TENM4: variants seen among roughly 807,000 people sequenced by gnomAD.
TENM4 encodes the protein teneurin-4.
TENM4 carries 82 observed loss-of-function variants against 243.3 expected under a neutral mutation model. The ratio of observed to expected loss-of-function variants is 0.34; its 90% CI spans 0.28 to 0.40. The LOEUF is 0.40. TENM4 is among the 10% of genes least tolerant of loss of function. The pLI is 1.00. For missense variants in TENM4, 3,138 were observed against 3,673.3 expected, an observed-to-expected ratio of 0.85 and a Z score of 3.77; for synonymous variants, 1,412 against 1,456.3, an observed-to-expected ratio of 0.97 and a Z score of 0.69.
chr11:78,685,442 G>A (rs1453647803), intron 29 of TENM4, among the ~76,000 whole-genome samples: 1 of 152,104 alleles, frequency 6.6e-6, no homozygotes, highest in African/African-American at 2.4e-5. Flanking sequence ...CTACCAAAGA[G>A]GAAAAACAGG....
intron 6 of TENM4, among the ~76,000 whole-genome samples, chr11:78,904,423 C>T (rs1856017937): frequency 6.7e-6 from 1 of 148,292 alleles, no homozygotes; most frequent in Admixed American, 6.7e-5. Flanking sequence ...AGAGCACATA[C>T]AGCCAGGAAG....
intron 3 of TENM4, among the ~76,000 whole-genome samples, chr11:79,195,281 GA>G (rs1863600303): frequency 6.6e-6 from 1 of 152,218 alleles, no homozygotes. Context: ...AGCCCCCATA[GA>G]GAGTCCCTAC....
intron 6 of TENM4, among the ~76,000 whole-genome samples, chr11:79,010,699 A>G (rs1280383889): frequency 6.6e-6 from 1 of 152,096 alleles, no homozygotes; most frequent in Non-Finnish European, 1.5e-5. Context: ...ACAGCAGGAG[A>G]AAGACCTGCC....
chr11:79,215,518 C>A (rs1419512832), intron 3 of TENM4, among the ~76,000 whole-genome samples: 2 of 143,496 alleles, frequency 1.4e-5, no homozygotes, highest in East Asian at 1.9e-4. Context: ...GCTGCCAGCA[C>A]CCCCATCACA....
chr11:78,980,139 T>G (rs925079530), intron 6 of TENM4, among the ~76,000 whole-genome samples: 1 of 152,236 alleles, frequency 6.6e-6, no homozygotes, highest in African/African-American at 2.4e-5. Flanking sequence ...AGTCCTTTGC[T>G]GTCAGAAGAA....
intron 6 of TENM4, among the ~76,000 whole-genome samples, chr11:79,036,335 TTTGA>T (rs1859376581): frequency 6.6e-6 from 1 of 152,236 alleles, no homozygotes; most frequent in Admixed American, 6.5e-5. Context: ...ACCAGCTATC[TTTGA>T]TTGGCCAGAC....
intron 17 of TENM4, 77 bp downstream of exon 17, chr11:78,778,525 T>C (rs1856781879): frequency 2.1e-6 from 3 of 1,452,022 alleles, no homozygotes; most frequent in Non-Finnish European, 1.9e-6. Flanking sequence ...CATTTTTATA[T>C]ACACATTTCT....
In TENM4 at chr11:78,653,832, T is replaced by C. The variant is rs1857828425; in HGVS notation, c.*4226A>G. 1.3e-5 allele frequency: 2 copies of C among 152,264 alleles called. No homozygotes were observed. The highest frequency in any genetic ancestry group is 2.9e-5 in the Non-Finnish European group (2 of 68,064). The allele number at this position is 152,264 out of a possible 1,614,324, so 9.4% of individuals were successfully genotyped here. Reference sequence around the variant, plus strand: ...CACAACATTGGCCCTCGCCTGGGCCTTCCCACACTCTGATATTCCACATTC... The same window carrying C: ...CACAACATTGGCCCTCGCCTGGGCCCTCCCACACTCTGATATTCCACATTC... On this transcript the variant is annotated 3_prime_UTR_variant, in exon 34 of 34. Coordinates refer to ENST00000278550, the MANE Select transcript of TENM4 (RefSeq NM_001098816.3).
At chr11:79,336,403 GA>G (rs1857148695) in intron 1 of TENM4, among the ~76,000 whole-genome samples, 1 of 152,186 alleles carries the variant, frequency 6.6e-6, no homozygotes, top group South Asian at 2.1e-4. Flanking sequence ...AGAGGAAAAA[GA>G]GTATTAAATG....
chr11:79,103,749 G>A (rs554401089), intron 4 of TENM4, among the ~76,000 whole-genome samples: 82 of 152,282 alleles, frequency 5.4e-4, no homozygotes, highest in Middle Eastern at 3.4e-3. Flanking sequence ...CTGTGAGCTG[G>A]CCTCTTGGGA....
chr11:79,126,096 T>A (rs956306919), intron 4 of TENM4, among the ~76,000 whole-genome samples: 8 of 152,310 alleles, frequency 5.3e-5, no homozygotes, highest in East Asian at 1.9e-4. Context: ...TAAAAAAGGT[T>A]CTAATAGTTT....
At chr11:79,005,296 G>C (rs1380684489) in intron 6 of TENM4, among the ~76,000 whole-genome samples, 1 of 151,956 alleles carries the variant, frequency 6.6e-6, no homozygotes, top group Non-Finnish European at 1.5e-5. Flanking sequence ...AAACCTGGCA[G>C]AGAAAAAGAG....
At chr11:79,108,536 G>A (rs967084543) in intron 4 of TENM4, among the ~76,000 whole-genome samples, 1 of 151,948 alleles carries the variant, frequency 6.6e-6, no homozygotes, top group Non-Finnish European at 1.5e-5. Context: ...ACATATATAT[G>A]TAGGTATACA....
chr11:79,278,536 T>C (rs996727558), intron 2 of TENM4, among the ~76,000 whole-genome samples: 7 of 152,196 alleles, frequency 4.6e-5, no homozygotes, highest in Non-Finnish European at 1.0e-4. Flanking sequence ...GAAAGAACTC[T>C]CTTCCCAGAC....
chr11:79,155,154 G>A (rs1316015979), intron 3 of TENM4, among the ~76,000 whole-genome samples: 2 of 152,122 alleles, frequency 1.3e-5, no homozygotes, highest in Non-Finnish European at 2.9e-5. Context: ...CCCAAGGAAG[G>A]CCTAGAGAGG....
At chr11:79,148,065 C>A (rs761255980) in intron 4 of TENM4, among the ~76,000 whole-genome samples, 1 of 152,036 alleles carries the variant, frequency 6.6e-6, no homozygotes, top group African/African-American at 2.4e-5. Context: ...TGGGGCTGAA[C>A]CCAGGCCTGC....
At chr11:79,156,094 C>A (rs889112775) in intron 3 of TENM4, among the ~76,000 whole-genome samples, 2 of 152,178 alleles carry the variant, frequency 1.3e-5, no homozygotes, top group African/African-American at 4.8e-5. Context: ...CCTCTCCCAG[C>A]AGAAGTGAAG....
chr11:79,260,879 C>A (rs1020991066), intron 2 of TENM4, among the ~76,000 whole-genome samples: 1 of 152,180 alleles, frequency 6.6e-6, no homozygotes. Flanking sequence ...CCACTTCATT[C>A]CCCTCTCTTA....
chr11:79,416,087 C>T (rs190156322), intron 1 of TENM4, among the ~76,000 whole-genome samples: 1 of 152,288 alleles, frequency 6.6e-6, no homozygotes, highest in Admixed American at 6.5e-5. Flanking sequence ...TTTTTCACTG[C>T]TGATTAACAT....
Sources: gnomAD v4.1 joint callset for allele counts (sites outside exome capture counted in the v4.1 genomes callset) on GRCh38, gnomAD v4.1.1 for gene constraint, MANE v1.5 for transcripts, NCBI Gene and HGNC (gene_info 2026-07-23, HGNC 2026-07-21) for gene names.